Variants in CSE1L observed in about 807,000 individuals in gnomAD.
CSE1L encodes chromosome segregation 1 like, also known as exportin-2.
CSE1L carries 24 observed loss-of-function variants against 120.4 expected under a neutral mutation model. That is an observed-to-expected ratio of 0.20 (90% CI 0.14 to 0.28). The LOEUF is 0.28. Ranked by LOEUF, CSE1L falls within the 10% of genes least tolerant of loss-of-function variation. The probability of loss-of-function intolerance (pLI) is 1.00; values close to 1 mark genes in which losing one functional copy is unlikely to be tolerated. For synonymous variants in CSE1L, 402 were observed against 398.3 expected, an observed-to-expected ratio of 1.01 and a Z score of -0.11; for missense variants, 830 against 1,145.2, an observed-to-expected ratio of 0.72 and a Z score of 3.97.
At chr20:49,092,260 T>C (rs1170573914) in intron 22 of CSE1L, 133 bp downstream of exon 22, 2 of 564,456 alleles carry the variant, frequency 3.5e-6, no homozygotes, top group Non-Finnish European at 3.1e-6. Flanking sequence ...TTTCAAAATA[T>C]TCTTAGGTAT....
chr20:49,082,876 G>A (rs1177364621), intron 14 of CSE1L, among the ~76,000 whole-genome samples: 2 of 152,276 alleles, frequency 1.3e-5, no homozygotes, highest in East Asian at 1.9e-4. Context: ...CTGGAGTGCA[G>A]TGGTGCGATC....
chr20:49,082,623 C>T (rs2092022206), intron 14 of CSE1L, among the ~76,000 whole-genome samples: 1 of 152,150 alleles, frequency 6.6e-6, no homozygotes, highest in East Asian at 1.9e-4. Flanking sequence ...GGGTTCATGC[C>T]ATTCTCCTGC....
At position 49,072,648 on chromosome 20, in the gene CSE1L, G is replaced by A. The variant is rs569252091; in HGVS notation, c.1017G>A (p.Thr339=). 123 of 1,613,722 alleles carry A rather than the reference G, an allele frequency of 7.6e-5. 1 individual carries two copies. In the South Asian group the frequency reaches 1.2e-3, roughly 16 times the overall value. Residue 339 remains threonine (T), a synonymous_variant, in exon 10 of 25, where the codon ACG becomes ACA. Transcript: ENST00000262982. ...AGAATCTATTTGAGGACCAGAACAC[G>A]CTGACAAGTATCTGTGAAAAGGTTA... The part of the protein sequence containing the change: ...HYKNLFEDQN[T]LTSICEKVIV...
Position 49,068,784 on chromosome 20 carries a change from A to G in CSE1L, c.637A>G (p.Ile213Val). 6.2e-7 allele frequency: 1 copy of G among 1,613,254 alleles called. No homozygotes were observed. The highest frequency in any genetic ancestry group is 8.5e-7 in the Non-Finnish European group (1 of 1,179,248). Reference protein sequence around the residue: ...SALRILFSSLILISKLFYSLN... With the variant: ...SALRILFSSLVLISKLFYSLN... Reference sequence around the variant, plus strand: ...CCTGAGGATTCTGTTTTCTTCCCTGATCCTGATCTCAAAATTGTTCTATAG... The same window carrying G: ...CCTGAGGATTCTGTTTTCTTCCCTGGTCCTGATCTCAAAATTGTTCTATAG... Residue 213 changes from isoleucine (I) to valine (V), a missense_variant, in exon 7 of 25, where the codon ATC becomes GTC. Around this residue, in one of 4 missense-constraint regions of CSE1L, gnomAD observed 543 missense variants for 640.2 expected, o/e 0.85. Coordinates refer to ENST00000262982, the MANE Select transcript of CSE1L (RefSeq NM_001316.4).
chr20:49,067,268 T>A lies in CSE1L; in HGVS notation c.555T>A (p.Thr185=), dbSNP rs564097915. Residue 185 remains threonine, a synonymous_variant, in exon 6 of 25, where the codon ACT becomes ACA. Transcript: ENST00000262982. ...LVLDAFALPL[T]NLFKATIELC... is the part of the protein sequence containing the mutation. ...TGGATGCCTTTGCTTTGCCTTTGAC[T>A]AATCTTTTTAAGGTATGGAATGCAT... 3.8e-5 allele frequency: 61 copies of A among 1,603,054 alleles called. No individual in the cohort carries two copies. In the Admixed American group the frequency reaches 9.9e-4, roughly 26 times the overall value.
Position 49,089,730 on chromosome 20 carries a change from C to G in CSE1L, c.2165C>G (p.Ala722Gly). ...CGCGGTTCAAACACAATAGCAAGTG[C>G]TGCAGCTGACAAAATTGTGCGTCAG... ...LERGSNTIAS[A>G]AADKIPGLLG... The change falls in exon 19 of 25, where the codon GCT becomes GGT. Residue 722 changes from alanine (A) to glycine (G), a missense_variant. Physicochemically the swap from Ala to Gly is moderately conservative, Grantham distance 60. Coordinates refer to ENST00000262982, the MANE Select transcript of CSE1L (RefSeq NM_001316.4). The G allele has an allele frequency of 6.2e-7, 1 of 1,614,104 alleles. No individual in the cohort carries two copies. The highest frequency in any genetic ancestry group is 8.5e-7 in the Non-Finnish European group (1 of 1,179,974).
chr20:49,057,290 A>C (rs996512894), intron 1 of CSE1L, among the ~76,000 whole-genome samples: 1 of 152,198 alleles, frequency 6.6e-6, no homozygotes, highest in African/African-American at 2.4e-5. Flanking sequence ...CTTAGCTGTC[A>C]TCTTCTGAAC....
At chr20:49,077,153 C>T (rs201163157) in intron 13 of CSE1L, 89 bp downstream of exon 13, 996 of 402,086 alleles carry the variant, frequency 2.5e-3, no homozygotes, top group South Asian at 4.2e-3. Flanking sequence ...CCCTTTTGTT[C>T]TTTTTTTTTT....
intron 1 of CSE1L, among the ~76,000 whole-genome samples, chr20:49,057,112 G>A (rs2091814461): frequency 1.3e-5 from 2 of 152,140 alleles, no homozygotes; most frequent in Admixed American, 6.5e-5. Flanking sequence ...GATCACTTGA[G>A]TCCAGGAGTT....
At chr20:49,051,276 T>A (rs1672787994) in intron 1 of CSE1L, among the ~76,000 whole-genome samples, 1 of 152,212 alleles carries the variant, frequency 6.6e-6, no homozygotes, top group South Asian at 2.1e-4. Context: ...CCGGGCACGG[T>A]GGCTCATGCC....
chr20:49,076,417 C>T (rs2091968605), intron 12 of CSE1L, among the ~76,000 whole-genome samples: 3 of 151,328 alleles, frequency 2.0e-5, no homozygotes, highest in African/African-American at 7.3e-5. Flanking sequence ...AACTCCTGAC[C>T]TCAGGTGATC....
intron 14 of CSE1L, among the ~76,000 whole-genome samples, chr20:49,080,216 A>AT (rs901333116): frequency 4.7e-5 from 7 of 148,318 alleles, no homozygotes; most frequent in African/African-American, 1.7e-4. Context: ...TTTCTGTTTC[A>AT]TTTTATCAGG....
intron 3 of CSE1L, among the ~76,000 whole-genome samples, chr20:49,065,698 A>T (rs1169184921): frequency 6.7e-6 from 1 of 148,206 alleles, no homozygotes; most frequent in Non-Finnish European, 1.5e-5. Flanking sequence ...GGTTCAAGCA[A>T]TTCTCCTGCT....
At chr20:49,059,666 G>A (rs948178659) in intron 2 of CSE1L, among the ~76,000 whole-genome samples, 2 of 151,834 alleles carry the variant, frequency 1.3e-5, no homozygotes, top group Admixed American at 1.3e-4. Flanking sequence ...GATCACGAGG[G>A]CAGGAGATCG....
chr20:49,086,824 C>T (rs2092062163), intron 16 of CSE1L, among the ~76,000 whole-genome samples: 1 of 152,142 alleles, frequency 6.6e-6, no homozygotes, highest in Non-Finnish European at 1.5e-5. Flanking sequence ...ACCAATTTAT[C>T]CTCTAGCCCT....
intron 21 of CSE1L, 27 bp from the exon 22 acceptor site, chr20:49,092,019 C>T: frequency 7.9e-7 from 1 of 1,272,958 alleles, no homozygotes; most frequent in Non-Finnish European, 1.1e-6. Flanking sequence ...GTTCTCTATG[C>T]TGATATTCTG....
At chr20:49,095,010 G>A (rs1225729070) in intron 24 of CSE1L, 47 bp downstream of exon 24, 3 of 1,450,146 alleles carry the variant, frequency 2.1e-6, no homozygotes, top group Non-Finnish European at 2.9e-6. Context: ...GACTTTAATG[G>A]GAGGGCAAAA....
intron 2 of CSE1L, among the ~76,000 whole-genome samples, chr20:49,061,679 T>C (rs1414203833): frequency 6.6e-6 from 1 of 151,542 alleles, no homozygotes; most frequent in Non-Finnish European, 1.5e-5. Flanking sequence ...ATTTTTTGTA[T>C]TTTTAGTAGA....
intron 15 of CSE1L, among the ~76,000 whole-genome samples, 155 bp from the exon 16 acceptor site, chr20:49,085,128 T>TA (rs1293287524): frequency 6.6e-6 from 1 of 152,200 alleles, no homozygotes; most frequent in East Asian, 1.9e-4. Context: ...TGAGCACATG[T>TA]AAAAAAATTA....
Sources: gnomAD v4.1 joint callset for allele counts (sites outside exome capture counted in the v4.1 genomes callset) on GRCh38, gnomAD v4.1.1 for gene constraint, gnomAD v4.1.1 regional missense constraint, MANE v1.5 for transcripts, NCBI Gene and HGNC (gene_info 2026-07-23, HGNC 2026-07-21) for gene names.